The following CNTN5 variants were observed in gnomAD, a reference collection of about 807,000 sequenced individuals.
CNTN5 encodes the protein contactin 5.
A neutral mutation model predicts 129.1 loss-of-function variants in CNTN5; 77 were observed. The ratio of observed to expected loss-of-function variants is 0.60; its 90% CI spans 0.50 to 0.72. CNTN5 has a LOEUF of 0.72. CNTN5 is among the 30% of genes least tolerant of loss of function. The probability of loss-of-function intolerance (pLI) is 0.00; values close to 1 mark genes in which losing one functional copy is unlikely to be tolerated. For synonymous variants in CNTN5, 509 were observed against 465.6 expected, an observed-to-expected ratio of 1.09 and a Z score of -1.20; for missense variants, 1,478 against 1,328.8, an observed-to-expected ratio of 1.11 and a Z score of -1.75.
intron 1 of CNTN5, among the ~76,000 whole-genome samples, chr11:99,074,304 A>C (rs887228367): frequency 6.6e-5 from 10 of 152,054 alleles, no homozygotes; most frequent in African/African-American, 2.4e-4. Flanking sequence ...AGATTGCAAA[A>C]ATTTTCTCCC....
chr11:99,491,272 C>T (rs1394716050), intron 2 of CNTN5, among the ~76,000 whole-genome samples: 2 of 152,082 alleles, frequency 1.3e-5, no homozygotes, highest in South Asian at 2.1e-4. Context: ...CAGAGAATTC[C>T]CTGGGTTCCA....
chr11:99,221,063 A>T (rs1460622271), intron 1 of CNTN5, among the ~76,000 whole-genome samples: 1 of 151,892 alleles, frequency 6.6e-6, no homozygotes, highest in Admixed American at 6.6e-5. Flanking sequence ...TGAGATAGAG[A>T]GCTATTGCAG....
chr11:99,209,297 C>T (rs527933535), intron 1 of CNTN5, among the ~76,000 whole-genome samples: 2 of 152,226 alleles, frequency 1.3e-5, no homozygotes, highest in African/African-American at 2.4e-5. Flanking sequence ...AGAGGTTTAA[C>T]TGTCTCACGG....
Position 99,786,584 on chromosome 11 carries a change from A to G in CNTN5, c.56-32960A>G, listed in dbSNP as rs7932024. Among the ~76,000 whole-genome samples, 1,596 of 152,332 alleles carry G rather than the reference A, an allele frequency of 0.01. 73 individuals are homozygous for G. In the East Asian group the frequency reaches 0.14, roughly 14 times the overall value. On this transcript the variant is annotated intron_variant, in intron 3 of 24. Coordinates refer to ENST00000524871, the MANE Select transcript of CNTN5 (RefSeq NM_014361.4). ...CAAAAAGAACAAAGCTGGAGGCATT[A>G]AGCTACCTGACTTCAAACTATACTA...
chr11:99,043,342 A>T (rs1252828270), intron 1 of CNTN5, among the ~76,000 whole-genome samples: 1 of 127,212 alleles, frequency 7.9e-6, no homozygotes, highest in East Asian at 2.5e-4. Context: ...TGTCCATGTG[A>T]GTTAGTGGGT....
At chr11:99,239,957 T>A (rs1031133279) in intron 1 of CNTN5, among the ~76,000 whole-genome samples, 15 of 138,634 alleles carry the variant, frequency 1.1e-4, no homozygotes, top group South Asian at 4.7e-4. Context: ...AAAAAAAAAA[T>A]TTAAAAAGCG....
Position 100,166,296 on chromosome 11 carries a change from CA to C in CNTN5, c.1581-24827del, listed in dbSNP as rs989396731. On this transcript the variant is annotated intron_variant, in intron 13 of 24. Transcript: ENST00000524871. Reference sequence around the variant, plus strand: ...GGCTTCATCTGACCAGACATTATTACAAATTTTACAATAATAGTTTAGTAGA... The same window carrying C: ...GGCTTCATCTGACCAGACATTATTACAATTTTACAATAATAGTTTAGTAGA... 2.9e-4 allele frequency among the ~76,000 whole-genome samples: 44 copies of C among 151,794 alleles called. 1 individual carries two copies. Among genetic ancestry groups the C allele is most frequent in the African/African-American group, 1.0e-3 (43 of 41,476 alleles).
chr11:100,074,472 TG>T lies in CNTN5; in HGVS notation c.1580+180del, dbSNP rs1380053664. The T allele has an allele frequency of 2.2e-5, 12 of 552,886 alleles. No homozygotes were observed. In the East Asian group the frequency reaches 3.8e-4, roughly 18 times the overall value. 34.2% of individuals were successfully genotyped at this position (552,886 alleles called of 1,614,324 possible). ...AAGAACCCAAAGTTTGACTTCAAAA[TG>T]GTCAGTCTTCTTTGACTCCATGGGG... On this transcript the variant is annotated intron_variant, in intron 13 of 24. Transcript: ENST00000524871.
At chr11:100,037,651 T>C (rs1467077190) in intron 9 of CNTN5, among the ~76,000 whole-genome samples, 1 of 152,220 alleles carries the variant, frequency 6.6e-6, no homozygotes, top group East Asian at 1.9e-4. Context: ...TCAGCTCCTG[T>C]TGTTGGTCTA....
At chr11:99,123,448 G>T (rs1182217447) in intron 1 of CNTN5, among the ~76,000 whole-genome samples, 1 of 151,932 alleles carries the variant, frequency 6.6e-6, no homozygotes, top group Non-Finnish European at 1.5e-5. Flanking sequence ...TTAGACCTTT[G>T]TCAGATGCAT....
intron 9 of CNTN5, among the ~76,000 whole-genome samples, chr11:100,014,530 G>A (rs780867638): frequency 1.6e-4 from 24 of 152,020 alleles, no homozygotes; most frequent in East Asian, 3.9e-4. Flanking sequence ...GCAGTAAGCC[G>A]AGATTGCGCC....
At chr11:99,785,246 T>A (rs1177408275) in intron 3 of CNTN5, among the ~76,000 whole-genome samples, 2 of 152,152 alleles carry the variant, frequency 1.3e-5, no homozygotes, top group African/African-American at 4.8e-5. Context: ...CACATTTTGA[T>A]GGGATTTTTT....
chr11:100,077,664 AT>A (rs1436162860), intron 13 of CNTN5, among the ~76,000 whole-genome samples: 3 of 151,996 alleles, frequency 2.0e-5, no homozygotes, highest in African/African-American at 7.2e-5. Flanking sequence ...TCTACAAAAA[AT>A]AAAAAAGAAG....
intron 3 of CNTN5, among the ~76,000 whole-genome samples, chr11:99,565,113 C>A (rs186653661): frequency 2.0e-5 from 3 of 152,130 alleles, no homozygotes; most frequent in Admixed American, 2.0e-4. Context: ...GCTTAAAGAA[C>A]AATAACCCAA....
intron 16 of CNTN5, among the ~76,000 whole-genome samples, chr11:100,236,862 A>G (rs1949625158): frequency 6.6e-6 from 1 of 152,094 alleles, no homozygotes; most frequent in Admixed American, 6.6e-5. Flanking sequence ...TACACTTCAT[A>G]TGGCCTGTTT....
chr11:99,305,494 A>T (rs1864833938), intron 1 of CNTN5, among the ~76,000 whole-genome samples: 1 of 152,172 alleles, frequency 6.6e-6, no homozygotes, highest in South Asian at 2.1e-4. Context: ...TTTTTCTTTG[A>T]TGTGATATAT....
At chr11:99,591,047 CTG>C (rs1363444537) in intron 3 of CNTN5, among the ~76,000 whole-genome samples, 1 of 152,114 alleles carries the variant, frequency 6.6e-6, no homozygotes, top group African/African-American at 2.4e-5. Flanking sequence ...CTTCAGCCCA[CTG>C]TGTGTGAGGA....
chr11:100,197,431 T>C (rs1466500463), intron 15 of CNTN5, among the ~76,000 whole-genome samples: 1 of 151,986 alleles, frequency 6.6e-6, no homozygotes, highest in Admixed American at 6.6e-5. Context: ...GTAGACCTGT[T>C]AAGTAGAGGT....
At chr11:99,679,156 CCT>C (rs1351591006) in intron 3 of CNTN5, among the ~76,000 whole-genome samples, 3 of 144,844 alleles carry the variant, frequency 2.1e-5, no homozygotes, top group Admixed American at 1.4e-4. Context: ...GTACATATAA[CCT>C]CTATATAGGG....
Sources: gnomAD v4.1 joint callset for allele counts (sites outside exome capture counted in the v4.1 genomes callset) on GRCh38, gnomAD v4.1.1 for gene constraint, MANE v1.5 for transcripts, NCBI Gene and HGNC (gene_info 2026-07-23, HGNC 2026-07-21) for gene names.